Variants in MELK observed in about 807,000 individuals in gnomAD.
MELK encodes the protein maternal embryonic leucine zipper kinase.
MELK carries 81 observed loss-of-function variants against 85.0 expected under a neutral mutation model. The observed-to-expected ratio is 0.95, with a 90% CI of 0.80 to 1.15. MELK has a LOEUF of 1.15. Ranked by LOEUF, MELK falls within the 50% of genes most tolerant of loss-of-function variation. The pLI is 0.00. For missense variants in MELK, 754 were observed against 777.5 expected, an observed-to-expected ratio of 0.97 and a Z score of 0.36; for synonymous variants, 252 against 265.0, an observed-to-expected ratio of 0.95 and a Z score of 0.48.
chr9:36,674,836 TC>T lies in MELK; in HGVS notation c.1678del (p.His560ThrfsTer4). ...ARDGPRRLKL[H>X]YNVTTTRLVN... ...ATCTCTTCTTTTTCTTTTCTTAGCT[TC>T]ACTATAACGTGACTACAACTAGATT... On this transcript the variant is annotated frameshift_variant, in exon 17 of 18. Coordinates refer to ENST00000298048, the MANE Select transcript of MELK (RefSeq NM_014791.4). LOFTEE classifies it high-confidence loss of function. The T allele has an allele frequency of 1.3e-6, 2 of 1,543,836 alleles. No individual in the cohort carries two copies. The highest frequency in any genetic ancestry group is 2.3e-5 in the South Asian group (2 of 88,744).
At chr9:36,646,215 G>T (rs1205974776) in intron 11 of MELK, among the ~76,000 whole-genome samples, 3 of 152,130 alleles carry the variant, frequency 2.0e-5, no homozygotes, top group Admixed American at 6.6e-5. Flanking sequence ...ATTCATACTG[G>T]CTCTACATAC....
chr9:36,620,478 G>C (rs944313499), intron 8 of MELK, among the ~76,000 whole-genome samples: 1 of 151,236 alleles, frequency 6.6e-6, no homozygotes, highest in Non-Finnish European at 1.5e-5. Context: ...CCAGCTCTGA[G>C]TAGCTATAAG....
rs540817122 is a variant in MELK at position 36,606,676 on chromosome 9, T to C, written c.568-899T>C. The C allele has an allele frequency of 2.5e-4, 34 of 137,124 alleles. 1 individual carries two copies. In the South Asian group the frequency reaches 6.7e-3, roughly 27 times the overall value. The allele number at this position is 137,124 out of a possible 1,614,324, so 8.5% of individuals were successfully genotyped here. ...ACATATGTATATGTATATATGGACA[T>C]ATATATGTATACATGTATGCATATA... On this transcript the variant is annotated intron_variant, in intron 7 of 17. Transcript: ENST00000298048.
chr9:36,666,508 T>C (rs2137887421), intron 14 of MELK, among the ~76,000 whole-genome samples: 1 of 152,360 alleles, frequency 6.6e-6, no homozygotes, highest in African/African-American at 2.4e-5. Context: ...ACAGTGATCC[T>C]GTTTATGTCA....
intron 8 of MELK, among the ~76,000 whole-genome samples, chr9:36,615,979 G>A (rs541840323): frequency 4.6e-5 from 7 of 152,244 alleles, no homozygotes; most frequent in African/African-American, 1.4e-4. Flanking sequence ...CTGCAATCTC[G>A]GCACTTTGGG....
intron 17 of MELK, among the ~76,000 whole-genome samples, chr9:36,675,330 G>GA: frequency 6.6e-6 from 1 of 152,090 alleles, no homozygotes; most frequent in Non-Finnish European, 1.5e-5. Context: ...CTGTGCTTTA[G>GA]AAAAAATGTA....
chr9:36,581,738 A>C lies in MELK; in HGVS notation c.57A>C (p.Thr19=). 6.3e-7 allele frequency: 1 copy of C among 1,588,788 alleles called. No individual in the cohort carries two copies. Among genetic ancestry groups the C allele is most frequent in the Non-Finnish European group, 8.6e-7 (1 of 1,158,578 alleles). ...KYYELHETIG[T]GGFAKVKLAC... ...ATGAATTACATGAAACTATTGGGAC[A>C]GGTAATTGTTATTTTTTTTTGGAGG... Residue 19 remains threonine (T), a splice_region_variant and synonymous_variant, in exon 2 of 18, where the codon ACA becomes ACC. Transcript: ENST00000298048.
At chr9:36,628,205 G>A (rs188662624) in intron 8 of MELK, among the ~76,000 whole-genome samples, 50 of 152,098 alleles carry the variant, frequency 3.3e-4, no homozygotes, top group African/African-American at 9.4e-4. Flanking sequence ...TTGAATTGTA[G>A]CAATGAAGCC....
Position 36,671,089 on chromosome 9 carries a change from G to T in MELK, c.1597G>T (p.Gly533Trp). Residue 533 changes from glycine to tryptophan, a missense_variant, in exon 16 of 18, where the codon GGG becomes TGG. By Grantham distance (184) the Gly-to-Trp change is radical. Coordinates refer to ENST00000298048, the MANE Select transcript of MELK (RefSeq NM_014791.4). ...CAAAGTGTTTGGGAGCCTTGAAAGG[G>T]GGTTGGATAAGGTTATCACTGTGCT... ...GAKVFGSLER[G>W]LDKVITVLTR... 6.2e-7 allele frequency: 1 copy of T among 1,613,282 alleles called. No homozygotes were observed.
chr9:36,631,554 C>A (rs183443827), intron 9 of MELK, among the ~76,000 whole-genome samples: 20 of 152,132 alleles, frequency 1.3e-4, no homozygotes, highest in Non-Finnish European at 2.6e-4. Context: ...GTGTGAGCCA[C>A]CGCACCCAGC....
In MELK at chr9:36,607,613, T is replaced by C. The variant is rs1825686104; in HGVS notation, c.606T>C (p.Leu202=). 1.2e-6 allele frequency: 2 copies of C among 1,613,206 alleles called. No individual in the cohort carries two copies. Among genetic ancestry groups the C allele is most frequent in the African/African-American group, 2.7e-5 (2 of 75,016 alleles). ...GCATGGGCATACTGTTATATGTTCT[T>C]ATGTGTGGATTTCTACCATTTGATG... ...VWSMGILLYV[L]MCGFLPFDDD... is the part of the protein sequence containing the mutation. The change falls in exon 8 of 18, where the codon CTT becomes CTC. Residue 202 remains leucine, a synonymous_variant. Coordinates refer to ENST00000298048, the MANE Select transcript of MELK (RefSeq NM_014791.4).
intron 11 of MELK, among the ~76,000 whole-genome samples, chr9:36,643,941 A>G (rs979656428): frequency 2.0e-5 from 3 of 151,788 alleles, no homozygotes; most frequent in African/African-American, 7.3e-5. Context: ...CTCAAAAAAA[A>G]AAAAAAAAGA....
intron 8 of MELK, among the ~76,000 whole-genome samples, chr9:36,613,102 C>T (rs1164427541): frequency 2.6e-5 from 4 of 152,174 alleles, no homozygotes; most frequent in African/African-American, 9.7e-5. Flanking sequence ...TTGTGCCACC[C>T]ACATTGTCCT....
intron 8 of MELK, among the ~76,000 whole-genome samples, chr9:36,608,401 A>T (rs1019683399): frequency 6.7e-6 from 1 of 149,106 alleles, no homozygotes; most frequent in Admixed American, 6.8e-5. Flanking sequence ...TATAAATTAA[A>T]CTTTATCAAA....
At chr9:36,621,391 T>A (rs952963649) in intron 8 of MELK, among the ~76,000 whole-genome samples, 3 of 147,964 alleles carry the variant, frequency 2.0e-5, no homozygotes, top group African/African-American at 7.6e-5. Flanking sequence ...CAGCTATGCT[T>A]AACTAAGATT....
Position 36,576,530 on chromosome 9 carries a change from AT to A in MELK, c.-39+3531del, listed in dbSNP as rs1821663257. ...CTCTAGTTTTCTATTCATTGACCAA[AT>A]TTTTTTTGTTTGTTTTTGAGCTGGA... On this transcript the variant is annotated intron_variant, in intron 1 of 17. Coordinates refer to ENST00000298048, the MANE Select transcript of MELK (RefSeq NM_014791.4). Among the ~76,000 whole-genome samples the A allele has an allele frequency of 2.6e-5, 4 of 151,548 alleles. No individual in the cohort carries two copies. The South Asian group carries it at 6.2e-4, about 24-fold the overall frequency.
chr9:36,647,949 A>T (rs1266399999), intron 11 of MELK, among the ~76,000 whole-genome samples: 2 of 152,160 alleles, frequency 1.3e-5, no homozygotes, highest in African/African-American at 4.8e-5. Flanking sequence ...TAAGTTATTA[A>T]CTAATAAAAT....
rs955254978 is a variant in MELK, at chr9:36,677,297, A to G, written c.1916A>G (p.Lys639Arg). 5 of 1,613,810 alleles carry G rather than the reference A, an allele frequency of 3.1e-6. No homozygotes were observed. Among genetic ancestry groups the G allele is most frequent in the Non-Finnish European group, 3.4e-6 (4 of 1,179,930 alleles). Residue 639 changes from lysine (K) to arginine (R), a missense_variant, in exon 18 of 18, where the codon AAA becomes AGA. Coordinates refer to ENST00000298048, the MANE Select transcript of MELK (RefSeq NM_014791.4). ...CTTAAGGGCGATGCCTGGGTTTACA[A>G]AAGATTAGTGGAAGACATCCTATCT... is the stretch of plus-strand genomic sequence containing the variant. ...QRLKGDAWVYKRLVEDILSSC... is the reference protein window; with the variant it reads ...QRLKGDAWVYRRLVEDILSSC...
chr9:36,599,881 C>T (rs1824730139), intron 7 of MELK, among the ~76,000 whole-genome samples: 1 of 152,156 alleles, frequency 6.6e-6, no homozygotes, highest in Non-Finnish European at 1.5e-5. Flanking sequence ...GCCAGCAGCC[C>T]TGTGTAGGAG....
Sources: gnomAD v4.1 joint callset for allele counts (sites outside exome capture counted in the v4.1 genomes callset) on GRCh38, gnomAD v4.1.1 for gene constraint, MANE v1.5 for transcripts, NCBI Gene and HGNC (gene_info 2026-07-23, HGNC 2026-07-21) for gene names.